ACACA: variants seen among roughly 807,000 people sequenced by gnomAD.
ACACA encodes acetyl-CoA carboxylase 1.
In ACACA, 103 loss-of-function variants were observed where a neutral mutation model predicts 296.1. That is an observed-to-expected ratio of 0.35 (90% confidence interval 0.30 to 0.41). The LOEUF (loss-of-function observed/expected upper bound fraction) is 0.41. Among genes scored for constraint, ACACA ranks in the 10% least tolerant of loss-of-function variants. ACACA has a pLI of 1.00. For synonymous variants in ACACA, 953 were observed against 1,038.6 expected (o/e 0.92, Z 1.58); for missense variants, 1,554 against 2,989.7 (o/e 0.52, Z 11.20).
chr17:37,236,504 C>T (rs1598275654), intron 24 of ACACA, among the ~76,000 whole-genome samples: 2 of 150,932 alleles, frequency 1.3e-5, no homozygotes, highest in Admixed American at 1.3e-4. Context: ...CTTTGAAGAT[C>T]CTGCATACCA....
chr17:37,376,028 G>C (rs1330798162), intron 1 of ACACA: 3 of 1,395,756 alleles, frequency 2.1e-6, no homozygotes, highest in Non-Finnish European at 3.0e-6. Context: ...ACTAGAGGCA[G>C]AGCTATCAAG....
At chr17:37,101,009 AT>A (rs1056537081) in intron 52 of ACACA, among the ~76,000 whole-genome samples, 4 of 150,762 alleles carry the variant, frequency 2.7e-5, no homozygotes, top group Non-Finnish European at 4.4e-5. Context: ...AGGCGTGAGA[AT>A]TGCTTGAACC....
At chr17:37,369,312 T>C (rs981879050) in intron 1 of ACACA, 1 of 152,008 alleles carries the variant, frequency 6.6e-6, no homozygotes, top group African/African-American at 2.4e-5. Flanking sequence ...CTGGGCAGCA[T>C]AGGGAGACCC....
chr17:37,128,023 TCAAAAAAAAAAA>T lies in ACACA; in HGVS notation c.5944+1330_5944+1341del, dbSNP rs1158488763. Among the ~76,000 whole-genome samples the T allele has an allele frequency of 3.1e-4, 7 of 22,532 alleles. 1 individual carries two copies. The highest frequency in any genetic ancestry group is 1.4e-3 in the South Asian group (1 of 708). The allele number at this position is 22,532 out of a possible 152,430, so 14.8% of individuals were successfully genotyped here. A position where few individuals can be genotyped will look rare whatever the true frequency, so the allele number is the denominator to read the frequency against. Reference sequence around the variant, plus strand: ...TGGAGGACAAGAGTGAAACTCCATCTCAAAAAAAAAAAAAAAAAAAAAAAAAAAAAACAGTAG... The same window carrying T: ...TGGAGGACAAGAGTGAAACTCCATCTAAAAAAAAAAAAAAAAAAACAGTAG... On this transcript the variant is annotated intron_variant, in intron 47 of 55. Coordinates refer to ENST00000616317, the MANE Select transcript of ACACA (RefSeq NM_198834.3).
chr17:37,357,914 A>C (rs915655885), intron 1 of ACACA, among the ~76,000 whole-genome samples: 2 of 152,198 alleles, frequency 1.3e-5, no homozygotes, highest in African/African-American at 4.8e-5. Flanking sequence ...CATGCTTCTC[A>C]ATCTATACTA....
chr17:37,124,687 A>C (rs565411410), intron 48 of ACACA, among the ~76,000 whole-genome samples: 2 of 152,316 alleles, frequency 1.3e-5, no homozygotes, highest in Admixed American at 1.3e-4. Context: ...GACTTTAAAG[A>C]AAACAGACAG....
At chr17:37,274,101 G>A (rs1567922145) in intron 9 of ACACA, 92 bp downstream of exon 9, 1 of 1,027,174 alleles carries the variant, frequency 9.7e-7, no homozygotes, top group East Asian at 2.4e-5. Flanking sequence ...ACACCACCTT[G>A]GGTATATATC....
At position 37,406,648 on chromosome 17, in the gene ACACA, C is replaced by CA; in HGVS notation, c.-350dup. The CA allele has an allele frequency of 2.1e-6, 1 of 481,776 alleles. No homozygotes were observed. The highest frequency in any genetic ancestry group is 2.2e-5 in the South Asian group (1 of 46,238). 29.8% of individuals were successfully genotyped at this position (481,776 alleles called of 1,614,324 possible). The stretch of plus-strand genomic sequence containing the variant: ...CGCCAGGAAGCCTCAGGCAACGGGC[C>CA]ACGCGCCACACGGGCAAAGTGATTA... On this transcript the variant is annotated 5_prime_UTR_variant, in exon 1 of 56. Coordinates refer to ENST00000616317, the MANE Select transcript of ACACA (RefSeq NM_198834.3).
chr17:37,154,789 G>A (rs1046227921), intron 43 of ACACA, among the ~76,000 whole-genome samples: 1 of 152,150 alleles, frequency 6.6e-6, no homozygotes, highest in African/African-American at 2.4e-5. Context: ...GAAACACTGC[G>A]CCCAGCCAAG....
intron 48 of ACACA, among the ~76,000 whole-genome samples, chr17:37,125,356 A>G (rs1223224058): frequency 1.3e-5 from 2 of 152,118 alleles, no homozygotes; most frequent in African/African-American, 2.4e-5. Context: ...CTTGTCACCT[A>G]TTCCTGAAAG....
intron 1 of ACACA, among the ~76,000 whole-genome samples, chr17:37,397,602 T>G (rs969806534): frequency 4.6e-5 from 7 of 152,178 alleles, no homozygotes; most frequent in Admixed American, 2.6e-4. Flanking sequence ...TTCCCTCATA[T>G]TTCATCATCT....
intron 19 of ACACA, among the ~76,000 whole-genome samples, chr17:37,246,393 T>C (rs2080700871): frequency 1.3e-5 from 2 of 152,178 alleles, no homozygotes; most frequent in Admixed American, 6.5e-5. Context: ...TGTTTCTTTT[T>C]CATTCTTATT....
At chr17:37,282,687 G>A (rs1188751137) in intron 5 of ACACA, among the ~76,000 whole-genome samples, 2 of 152,142 alleles carry the variant, frequency 1.3e-5, no homozygotes, top group Non-Finnish European at 2.9e-5. Context: ...TACCTTAAGA[G>A]ATTATACCTT....
chr17:37,182,979 G>C (rs1302823651), intron 39 of ACACA, among the ~76,000 whole-genome samples: 14 of 152,122 alleles, frequency 9.2e-5, no homozygotes, highest in Admixed American at 7.2e-4. Context: ...GTCACCCGGG[G>C]GGAAGCAGAA....
chr17:37,193,858 A>G (rs983660051), intron 35 of ACACA, among the ~76,000 whole-genome samples: 8 of 152,342 alleles, frequency 5.3e-5, no homozygotes, highest in African/African-American at 1.9e-4. Context: ...TAGAGTGCTC[A>G]GTCCATGATT....
intron 29 of ACACA, among the ~76,000 whole-genome samples, chr17:37,216,125 AACACACACACAC>A (rs745794412): frequency 7.2e-5 from 9 of 124,548 alleles, no homozygotes; most frequent in South Asian, 2.4e-4. Context: ...TAAAAAAGGA[AACACACACACAC>A]ACACACACAC....
Position 37,200,889 on chromosome 17 carries a change from A to C in ACACA, c.4057-406T>G, listed in dbSNP as rs540853294. Among the ~76,000 whole-genome samples, 6 of 152,308 alleles carry C rather than the reference A, an allele frequency of 3.9e-5. 1 individual carries two copies. The highest frequency in any genetic ancestry group is 6.8e-3 in the Middle Eastern group (2 of 294). Reference sequence around the variant, plus strand: ...GAAATTAGGTAGAGAGAAAAGAAGGACTTTCCATAAAACATAAAACACAGG... The same window carrying C: ...GAAATTAGGTAGAGAGAAAAGAAGGCCTTTCCATAAAACATAAAACACAGG... On this transcript the variant is annotated intron_variant, in intron 33 of 55. Coordinates refer to ENST00000616317, the MANE Select transcript of ACACA (RefSeq NM_198834.3).
chr17:37,220,859 A>T (rs909542673), intron 29 of ACACA, among the ~76,000 whole-genome samples: 24 of 152,188 alleles, frequency 1.6e-4, no homozygotes, highest in Non-Finnish European at 1.5e-5. Flanking sequence ...GTCTATAACT[A>T]AGGTTCCCAA....
chr17:37,205,957 C>G, intron 32 of ACACA, 85 bp from the exon 33 acceptor site: 1 of 1,180,630 alleles, frequency 8.5e-7, no homozygotes, highest in Middle Eastern at 1.9e-4. Flanking sequence ...GGTAGAATAC[C>G]TGAAAAAGAG....
Sources: gnomAD v4.1 joint callset for allele counts (sites outside exome capture counted in the v4.1 genomes callset) on GRCh38, gnomAD v4.1.1 for gene constraint, MANE v1.5 for transcripts, NCBI Gene and HGNC (gene_info 2026-07-23, HGNC 2026-07-21) for gene names.